SLC16A2: variants seen among roughly 807,000 people sequenced by gnomAD.
SLC16A2 encodes solute carrier family 16 member 2.
A neutral mutation model predicts 27.2 loss-of-function variants in SLC16A2; 3 were observed. The ratio of observed to expected loss-of-function variants is 0.11; its 90% confidence interval spans 0.05 to 0.28. The LOEUF (loss-of-function observed/expected upper bound fraction) is 0.28. SLC16A2 is among the 10% of genes least tolerant of loss of function. The pLI, the probability that SLC16A2 is intolerant of heterozygous loss-of-function variation, is 1.00. For synonymous variants in SLC16A2, 202 were observed against 187.8 expected, an observed-to-expected ratio of 1.08 and a Z score of -0.62; for missense variants, 295 against 458.5, an observed-to-expected ratio of 0.64 and a Z score of 3.26.
chrX:74,425,083 G>A (rs1236354719), intron 1 of SLC16A2, among the ~76,000 whole-genome samples: 1 of 111,367 alleles, frequency 9.0e-6, no homozygotes, highest in East Asian at 2.8e-4. Context: ...GCCCAGGCTG[G>A]TCTCAAACTC....
chrX:74,512,073 C>G (rs1261689181), intron 1 of SLC16A2, among the ~76,000 whole-genome samples: 2 of 112,159 alleles, frequency 1.8e-5, no homozygotes, highest in East Asian at 2.8e-4. Flanking sequence ...AGTCATCTCA[C>G]TAATGCGTGC....
chrX:74,488,526 T>C (rs1322917787), intron 1 of SLC16A2, among the ~76,000 whole-genome samples: 1 of 112,192 alleles, frequency 8.9e-6, no homozygotes, highest in Non-Finnish European at 1.9e-5. Context: ...TTAGTGTATA[T>C]ATTTTTAATA....
chrX:74,441,259 T>C (rs1928743751), intron 1 of SLC16A2, among the ~76,000 whole-genome samples: 2 of 111,337 alleles, frequency 1.8e-5, no homozygotes, highest in South Asian at 7.6e-4. Context: ...GGTTTCACCA[T>C]GTTGGCCAGG....
chrX:74,453,793 A>C (rs769710772), intron 1 of SLC16A2, among the ~76,000 whole-genome samples: 2 of 111,292 alleles, frequency 1.8e-5, no homozygotes, highest in Non-Finnish European at 3.8e-5. Flanking sequence ...CCCAGTCGGC[A>C]CGAGGTGATC....
intron 1 of SLC16A2, among the ~76,000 whole-genome samples, chrX:74,441,314 C>G (rs1456291521): frequency 9.0e-6 from 1 of 111,454 alleles, no homozygotes; most frequent in African/African-American, 3.3e-5. Flanking sequence ...CTGCCTTGGC[C>G]TCCCAAAGTG....
At chrX:74,427,807 GCGCGCA>G (rs1250830940) in intron 1 of SLC16A2, among the ~76,000 whole-genome samples, 75 of 70,787 alleles carry the variant, frequency 1.1e-3, no homozygotes, top group Non-Finnish European at 7.3e-4. Context: ...GCGTGCACGC[GCGCGCA>G]CACACACACA....
intron 1 of SLC16A2, among the ~76,000 whole-genome samples, chrX:74,459,970 G>T (rs1021689075): frequency 9.0e-6 from 1 of 111,659 alleles, no homozygotes; most frequent in Non-Finnish European, 1.9e-5. Flanking sequence ...AAGACTCAAG[G>T]TGGTCTGACT....
At chrX:74,497,071 G>T (rs1257616538) in intron 1 of SLC16A2, among the ~76,000 whole-genome samples, 2 of 111,795 alleles carry the variant, frequency 1.8e-5, no homozygotes, top group African/African-American at 3.3e-5. Flanking sequence ...GCCTGCTAGG[G>T]TCTAGGGGTT....
In SLC16A2 at chrX:74,421,903, C is replaced by T; in HGVS notation, c.266C>T (p.Ala89Val). The T allele has an allele frequency of 8.3e-7, 1 of 1,210,658 alleles. No homozygotes were observed. The highest frequency in any genetic ancestry group is 3.0e-5 in the East Asian group (1 of 33,806). Residue 89 changes from alanine to valine, a missense_variant, in exon 1 of 6, where the codon GCG becomes GTG. Physicochemically the swap from Ala to Val is moderately conservative, Grantham distance 64. Around this residue, in one of 3 missense-constraint regions of SLC16A2, gnomAD observed 92 missense variants for 85.1 expected, o/e 1.08. Transcript: ENST00000587091. ...CCTACGGTAGAGACCCGCGGCACCG[C>T]GCGCGGCTTCCAGCCTCCCGAAGGT... ...PTPTVETRGT[A>V]RGFQPPEGGF...
intron 1 of SLC16A2, among the ~76,000 whole-genome samples, chrX:74,519,142 T>C (rs1930362240): frequency 9.0e-6 from 1 of 110,843 alleles, no homozygotes; most frequent in Non-Finnish European, 1.9e-5. Flanking sequence ...ATTATTGATA[T>C]TTACAAAGTT....
At chrX:74,422,542 T>TG (rs1164351359) in intron 1 of SLC16A2, among the ~76,000 whole-genome samples, 12 of 109,871 alleles carry the variant, frequency 1.1e-4, no homozygotes, top group Admixed American at 4.8e-4. Flanking sequence ...CCGGTTCCTT[T>TG]GGGGAAACGG....
chrX:74,476,182 G>A (rs1929473139), intron 1 of SLC16A2, among the ~76,000 whole-genome samples: 1 of 111,740 alleles, frequency 8.9e-6, no homozygotes, highest in South Asian at 3.8e-4. Flanking sequence ...AGTTCTCCTT[G>A]AAGAGGTCCT....
At chrX:74,525,069 T>C (rs1930469617) in intron 3 of SLC16A2, among the ~76,000 whole-genome samples, 1 of 111,787 alleles carries the variant, frequency 8.9e-6, no homozygotes, top group South Asian at 3.8e-4. Flanking sequence ...TTTAGATAGA[T>C]TTTGAAGAGA....
In SLC16A2 at chrX:74,483,410, T is replaced by C; in HGVS notation, c.431-37580T>C. Among the ~76,000 whole-genome samples the C allele has an allele frequency of 1.8e-5, 2 of 111,878 alleles. 1 individual carries two copies. Among genetic ancestry groups the C allele is most frequent in the Middle Eastern group, 9.3e-3 (2 of 216 alleles). ...ACCCTAAAAGGGTTCTTCTTAGCTT[T>C]TTCTCTGGTTCTCTCTGTTAAACTT... On this transcript the variant is annotated intron_variant, in intron 1 of 5. Transcript: ENST00000587091.
chrX:74,448,302 A>ATTT (rs144467927), intron 1 of SLC16A2, among the ~76,000 whole-genome samples: 6 of 64,251 alleles, frequency 9.3e-5, no homozygotes, highest in Non-Finnish European at 1.4e-4. Context: ...AATCCTTTGG[A>ATTT]TTTTTTTTTT....
intron 1 of SLC16A2, among the ~76,000 whole-genome samples, chrX:74,462,020 C>T (rs1026127751): frequency 2.7e-5 from 3 of 111,629 alleles, no homozygotes; most frequent in Non-Finnish European, 5.6e-5. Context: ...CAGGCCAGCT[C>T]CTTAATAGCT....
chrX:74,428,973 T>A (rs1928476555), intron 1 of SLC16A2, among the ~76,000 whole-genome samples: 1 of 111,151 alleles, frequency 9.0e-6, no homozygotes, highest in African/African-American at 3.3e-5. Context: ...TTCATTCTAT[T>A]TTGAGCCCCT....
rs184676186 is a variant in SLC16A2, at chrX:74,469,284, T to C, written c.430+47217T>C. ...ATTGCATATAGTGCTGCAACAAACA[T>C]GGGAGTGCAGATATCTCTTGGATAT... On this transcript the variant is annotated intron_variant, in intron 1 of 5. Transcript: ENST00000587091. Among the ~76,000 whole-genome samples, 32 of 112,019 alleles carry C rather than the reference T, an allele frequency of 2.9e-4. No homozygotes were observed. In the East Asian group the frequency reaches 7.6e-3, roughly 27 times the overall value.
At chrX:74,472,851 C>T (rs902923397) in intron 1 of SLC16A2, among the ~76,000 whole-genome samples, 5 of 111,466 alleles carry the variant, frequency 4.5e-5, no homozygotes, top group East Asian at 2.8e-4. Flanking sequence ...ATACAGTCCT[C>T]GAGTTTTTTT....
Sources: gnomAD v4.1 joint callset for allele counts (sites outside exome capture counted in the v4.1 genomes callset) on GRCh38, gnomAD v4.1.1 for gene constraint, gnomAD v4.1.1 regional missense constraint, MANE v1.5 for transcripts, NCBI Gene and HGNC (gene_info 2026-07-23, HGNC 2026-07-21) for gene names.